CSMD1: variants seen among roughly 807,000 people sequenced by gnomAD.
CSMD1 encodes the protein CUB and sushi domain-containing protein 1.
CSMD1 carries 213 observed loss-of-function variants against 417.5 expected under a neutral mutation model. The ratio of observed to expected loss-of-function variants is 0.51; its 90% CI spans 0.46 to 0.57. The LOEUF (loss-of-function observed/expected upper bound fraction) is 0.57, where lower values mean the gene tolerates loss of function less well. Among genes scored for constraint, CSMD1 ranks in the 20% least tolerant of loss-of-function variants. CSMD1 has a pLI of 0.00. For synonymous variants in CSMD1, 2,862 were observed against 1,736.8 expected, an observed-to-expected ratio of 1.65 and a Z score of -16.11; for missense variants, 6,923 against 4,529.7, an observed-to-expected ratio of 1.53 and a Z score of -15.17.
At chr8:4,944,074 C>A (rs1039827089) in intron 1 of CSMD1, among the ~76,000 whole-genome samples, 1 of 152,078 alleles carries the variant, frequency 6.6e-6, no homozygotes, top group African/African-American at 2.4e-5. Context: ...GTTTGATAGA[C>A]AGGAGGAAGT....
At chr8:4,283,116 C>A (rs188867683) in intron 3 of CSMD1, among the ~76,000 whole-genome samples, 7 of 152,196 alleles carry the variant, frequency 4.6e-5, no homozygotes, top group African/African-American at 9.6e-5. Flanking sequence ...AAATTACTAC[C>A]AGTAATCATG....
chr8:3,495,599 G>A lies in CSMD1; in HGVS notation c.1345-1873C>T, dbSNP rs549443004. Among the ~76,000 whole-genome samples the A allele has an allele frequency of 3.3e-5, 5 of 152,278 alleles. No homozygotes were observed. The South Asian group carries it at 1.0e-3, about 32-fold the overall frequency. On this transcript the variant is annotated intron_variant, in intron 10 of 69. Coordinates refer to ENST00000635120, the MANE Select transcript of CSMD1 (RefSeq NM_033225.6). The stretch of plus-strand genomic sequence containing the variant: ...CTGATGCTCAGTAAAAACAGAAAAT[G>A]CAGCCTTGGTCTTGCATAGACAGCT...
intron 3 of CSMD1, among the ~76,000 whole-genome samples, chr8:4,314,450 T>C (rs1388887837): frequency 1.3e-5 from 2 of 152,146 alleles, no homozygotes; most frequent in Non-Finnish European, 2.9e-5. Context: ...TGTTTTAAAA[T>C]ATAAGCCAAT....
At position 3,350,964 on chromosome 8, in the gene CSMD1, T is replaced by A. The variant is rs1488531695; in HGVS notation, c.3305-2803A>T. On this transcript the variant is annotated intron_variant, in intron 21 of 69. Coordinates refer to ENST00000635120, the MANE Select transcript of CSMD1 (RefSeq NM_033225.6). ...TCCCGTTGTAACTGATGACCCTGTA[T>A]AGACAGACAATGCTGCTGCTTTGCC... Among the ~76,000 whole-genome samples the A allele has an allele frequency of 3.3e-5, 5 of 152,200 alleles. No homozygotes were observed. In the South Asian group the frequency reaches 8.3e-4, roughly 25 times the overall value.
chr8:4,734,641 C>CT lies in CSMD1; in HGVS notation c.86-97084dup, dbSNP rs201065424. ...ATTATATTTTTAGGTACTGGAAATA[C>CT]TTTTTTTATTTTAACAATGATTCTT... On this transcript the variant is annotated intron_variant, in intron 1 of 69. Coordinates refer to ENST00000635120, the MANE Select transcript of CSMD1 (RefSeq NM_033225.6). 3.0e-3 allele frequency among the ~76,000 whole-genome samples: 458 copies of CT among 152,208 alleles called. 4 individuals are homozygous for CT. Among genetic ancestry groups the CT allele is most frequent in the African/African-American group, 0.011 (438 of 41,544 alleles).
intron 5 of CSMD1, among the ~76,000 whole-genome samples, chr8:3,759,223 A>G (rs1264399051): frequency 2.0e-5 from 3 of 152,222 alleles, no homozygotes; most frequent in Non-Finnish European, 1.5e-5. Flanking sequence ...TAGCTTTTAT[A>G]TGTCAACCAT....
chr8:4,219,514 C>A (rs572464335), intron 3 of CSMD1, among the ~76,000 whole-genome samples: 1 of 151,936 alleles, frequency 6.6e-6, no homozygotes, highest in East Asian at 1.9e-4. Flanking sequence ...CAACATTTCT[C>A]GTGAACACCG....
In CSMD1 at chr8:3,155,359, ATTTTTTTTTT is replaced by A. The variant is rs556304192; in HGVS notation, c.5914+2528_5914+2537del. On this transcript the variant is annotated intron_variant, in intron 39 of 69. Transcript: ENST00000635120. ...TTTTTCCTTCCAAATCAAGGCTGGG[ATTTTTTTTTT>A]TTTTTTTTTTTTTTTTGAGACAGAA... Among the ~76,000 whole-genome samples the A allele has an allele frequency of 4.5e-3, 197 of 43,326 alleles. 9 individuals carry two copies. The highest frequency in any genetic ancestry group is 6.9e-3 in the Non-Finnish European group (147 of 21,380). The allele number at this position is 43,326 out of a possible 152,430, so 28.4% of individuals were successfully genotyped here. A position where few individuals can be genotyped will look rare whatever the true frequency, so the allele number is the denominator to read the frequency against.
At chr8:4,853,224 T>G (rs1801589694) in intron 1 of CSMD1, among the ~76,000 whole-genome samples, 1 of 152,182 alleles carries the variant, frequency 6.6e-6, no homozygotes, top group Non-Finnish European at 1.5e-5. Context: ...AGCCCTGGAA[T>G]GCATTTCAGA....
intron 5 of CSMD1, among the ~76,000 whole-genome samples, chr8:3,994,069 C>A (rs1814972109): frequency 6.6e-6 from 1 of 152,186 alleles, no homozygotes; most frequent in South Asian, 2.1e-4. Context: ...TGGGAAGGCA[C>A]ACTGAGGCTT....
intron 1 of CSMD1, among the ~76,000 whole-genome samples, chr8:4,958,615 T>A (rs1290747013): frequency 6.6e-6 from 1 of 152,178 alleles, no homozygotes; most frequent in Non-Finnish European, 1.5e-5. Flanking sequence ...GCTACAATAA[T>A]AAGCTATTCA....
intron 5 of CSMD1, among the ~76,000 whole-genome samples, chr8:3,822,171 A>C (rs1176215499): frequency 1.3e-5 from 2 of 152,238 alleles, no homozygotes; most frequent in Admixed American, 6.5e-5. Flanking sequence ...CCAACCCTTG[A>C]ATCGTTTAAG....
At chr8:3,677,718 G>A (rs888906623) in intron 7 of CSMD1, among the ~76,000 whole-genome samples, 1 of 152,108 alleles carries the variant, frequency 6.6e-6, no homozygotes, top group Non-Finnish European at 1.5e-5. Flanking sequence ...TGTTCTGGAA[G>A]TCTGTCTTTT....
intron 3 of CSMD1, among the ~76,000 whole-genome samples, chr8:4,335,841 G>T (rs1298423406): frequency 2.0e-5 from 3 of 152,030 alleles, no homozygotes; most frequent in African/African-American, 7.2e-5. Flanking sequence ...GGGTTGATTG[G>T]GGTATCTAAG....
chr8:3,909,462 T>C (rs1248538385), intron 5 of CSMD1, among the ~76,000 whole-genome samples: 1 of 152,138 alleles, frequency 6.6e-6, no homozygotes, highest in Non-Finnish European at 1.5e-5. Flanking sequence ...GGCGTGCTCC[T>C]GAGACAGCAG....
intron 10 of CSMD1, among the ~76,000 whole-genome samples, chr8:3,514,223 G>C (rs1212458491): frequency 6.6e-6 from 1 of 152,100 alleles, no homozygotes; most frequent in Non-Finnish European, 1.5e-5. Context: ...TACTAAATAA[G>C]ACCGGCTTTC....
intron 3 of CSMD1, among the ~76,000 whole-genome samples, chr8:4,041,771 T>C (rs1048818962): frequency 8.5e-5 from 13 of 152,098 alleles, no homozygotes; most frequent in Non-Finnish European, 1.5e-4. Flanking sequence ...ACATGTTGTC[T>C]TGAGACATGG....
intron 52 of CSMD1, among the ~76,000 whole-genome samples, chr8:3,011,714 G>C (rs191485858): frequency 6.6e-6 from 1 of 152,180 alleles, no homozygotes; most frequent in African/African-American, 2.4e-5. Context: ...AGATTGAAGA[G>C]GTAACATAGT....
intron 3 of CSMD1, among the ~76,000 whole-genome samples, chr8:4,191,713 C>G (rs1040542394): frequency 6.8e-6 from 1 of 147,006 alleles, no homozygotes; most frequent in Non-Finnish European, 1.5e-5. Flanking sequence ...TATATATACT[C>G]TCCTTCCACT....
Sources: allele counts gnomAD v4.1 joint callset (sites outside exome capture counted in the v4.1 genomes callset), GRCh38; gene constraint gnomAD v4.1.1; transcripts MANE v1.5; gene names NCBI Gene and HGNC (gene_info 2026-07-23, HGNC 2026-07-21).